Variants in VCPKMT observed in about 807,000 individuals in gnomAD.
The protein encoded by VCPKMT is protein N-lysine methyltransferase METTL21D.
In VCPKMT, 32 loss-of-function variants were observed where a neutral mutation model predicts 28.6. The ratio of observed to expected loss-of-function variants is 1.12; its 90% CI spans 0.84 to 1.50. The LOEUF (loss-of-function observed/expected upper bound fraction) is 1.50. Ranked by LOEUF, VCPKMT falls within the 40% of genes most tolerant of loss-of-function variation. The probability of loss-of-function intolerance (pLI) is 0.00; values close to 1 mark genes in which losing one functional copy is unlikely to be tolerated. For missense variants in VCPKMT, 366 were observed against 285.0 expected (o/e 1.28, Z -2.05); for synonymous variants, 138 against 111.4 (o/e 1.24, Z -1.50).
At chr14:50,110,650 G>T (rs1009763623) in intron 5 of VCPKMT, among the ~76,000 whole-genome samples, 1 of 152,186 alleles carries the variant, frequency 6.6e-6, no homozygotes, top group African/African-American at 2.4e-5. Context: ...TCTTCAAAAA[G>T]TTAAACAGAG....
chr14:50,112,748 A>G, intron 4 of VCPKMT, 29 bp from the exon 5 acceptor site: 2 of 1,442,446 alleles, frequency 1.4e-6, no homozygotes, highest in Non-Finnish European at 1.9e-6. Flanking sequence ...CATACTTCAA[A>G]TTCAATAATA....
intron 4 of VCPKMT, chr14:50,113,349 A>C (rs1196355243): frequency 6.6e-6 from 1 of 152,210 alleles, no homozygotes; most frequent in African/African-American, 2.4e-5. Flanking sequence ...GAAAATAAAC[A>C]AACATTTTAG....
rs1233125206 is a variant in VCPKMT at position 50,109,829 on chromosome 14, A to G, written c.676-116T>C. ...TAGTATGCCTAGTATAACAGTGGCT[A>G]CATGCAATTCAAGTGAACAACCATG... On this transcript the variant is annotated intron_variant, in intron 5 of 5. Transcript: ENST00000395860. The G allele has an allele frequency of 2.0e-5, 24 of 1,218,640 alleles. No homozygotes were observed. The South Asian group carries it at 3.0e-4, about 15-fold the overall frequency. The allele number at this position is 1,218,640 out of a possible 1,614,324, so 75.5% of individuals were successfully genotyped here. A position where few individuals can be genotyped will look rare whatever the true frequency, so the allele number is the denominator to read the frequency against.
intron 4 of VCPKMT, 59 bp downstream of exon 4, chr14:50,114,226 C>G (rs1882932600): frequency 7.2e-7 from 1 of 1,393,996 alleles, no homozygotes; most frequent in African/African-American, 1.5e-5. Flanking sequence ...CTTGAAGAGT[C>G]ACATACAGCC....
At chr14:50,107,486 G>A (rs1310773648), downstream of VCPKMT, among the ~76,000 whole-genome samples, 28 of 152,026 alleles carry the variant, frequency 1.8e-4, no homozygotes, top group Admixed American at 1.8e-3. Flanking sequence ...GCTAATTTTT[G>A]TATTTTTAGT....
At chr14:50,108,233 A>C, downstream of VCPKMT, among the ~76,000 whole-genome samples, 1 of 151,968 alleles carries the variant, frequency 6.6e-6, no homozygotes, top group Non-Finnish European at 1.5e-5. Context: ...GGGCATAAAA[A>C]CTGGAGGGTG....
rs374621257 is a variant in VCPKMT at position 50,116,565 on chromosome 14, C to T, written c.-13G>A. ...GCGTATCCGCCATTGCGCCCGGCAA[C>T]AGAAAGCGGCGCGCGCAGGGACGTC... On this transcript the variant is annotated 5_prime_UTR_variant, in exon 1 of 6. Coordinates refer to ENST00000395860, the MANE Select transcript of VCPKMT (RefSeq NM_024558.3). 8.2e-6 allele frequency: 13 copies of T among 1,595,034 alleles called. No homozygotes were observed. Among genetic ancestry groups the T allele is most frequent in the South Asian group, 1.1e-5 (1 of 90,184 alleles).
In VCPKMT at chr14:50,109,631, T is replaced by G; in HGVS notation, c.*68A>C. On this transcript the variant is annotated 3_prime_UTR_variant, in exon 6 of 6. Coordinates refer to ENST00000395860, the MANE Select transcript of VCPKMT (RefSeq NM_024558.3). ...TGAACACAATCTTCCCATGCTGTAT[T>G]CACATGCTCTATTCACATCTTTAGT... 3.2e-6 allele frequency: 5 copies of G among 1,541,232 alleles called. No homozygotes were observed. The highest frequency in any genetic ancestry group is 4.4e-5 in the Admixed American group (2 of 45,062).
At chr14:50,106,927 C>T (rs1383992071), downstream of VCPKMT, among the ~76,000 whole-genome samples, 2 of 152,178 alleles carry the variant, frequency 1.3e-5, no homozygotes, top group African/African-American at 4.8e-5. Flanking sequence ...GCTATGTTGC[C>T]CAGCCTGGTC....
chr14:50,107,716 G>T (rs1001155354), downstream of VCPKMT, among the ~76,000 whole-genome samples: 1 of 152,174 alleles, frequency 6.6e-6, no homozygotes, highest in Non-Finnish European at 1.5e-5. Flanking sequence ...GGGAATAGCC[G>T]AACAGGAAGG....
chr14:50,106,477 C>G, downstream of VCPKMT: 13 of 862,430 alleles, frequency 1.5e-5, no homozygotes, highest in Non-Finnish European at 1.8e-5. Context: ...CCACGTCGTC[C>G]CCTCCTTCAT....
Position 50,115,894 on chromosome 14 carries a change from CCTT to C in VCPKMT, c.392_394del (p.Glu131del). On this transcript the variant is annotated inframe_deletion, in exon 3 of 6. Coordinates refer to ENST00000395860, the MANE Select transcript of VCPKMT (RefSeq NM_024558.3). ...TATGAAGTCGGGTGGAGAAGGAAAG[CCTT>C]CTATTTCTTCCCCCCTTAAAAATGC... The C allele has an allele frequency of 6.2e-7, 1 of 1,613,306 alleles. No individual in the cohort carries two copies. The highest frequency in any genetic ancestry group is 8.5e-7 in the Non-Finnish European group (1 of 1,179,380).
At chr14:50,109,781 T>C (rs931285218) in intron 5 of VCPKMT, 68 bp from the exon 6 acceptor site, 4 of 1,520,332 alleles carry the variant, frequency 2.6e-6, no homozygotes, top group African/African-American at 2.8e-5. Flanking sequence ...TATTTAATAA[T>C]GCCTAATATG....
In VCPKMT at chr14:50,108,942, C is replaced by A; in HGVS notation, c.*757G>T. On this transcript the variant is annotated 3_prime_UTR_variant, in exon 6 of 6. Transcript: ENST00000395860. Reference sequence around the variant, plus strand: ...ACATATACATAAAGTGCATGAGCCACGTAAGTGCATAAGCCTGAAACTGGT... The same window carrying A: ...ACATATACATAAAGTGCATGAGCCAAGTAAGTGCATAAGCCTGAAACTGGT... 1.0e-6 allele frequency: 1 copy of A among 985,408 alleles called. No homozygotes were observed. The highest frequency in any genetic ancestry group is 1.2e-6 in the Non-Finnish European group (1 of 829,926). The allele number at this position is 985,408 out of a possible 1,614,324, so 61.0% of individuals were successfully genotyped here. A position where few individuals can be genotyped will look rare whatever the true frequency, so the allele number is the denominator to read the frequency against.
Position 50,109,625 on chromosome 14 carries a change from C to G in VCPKMT, c.*74G>C. 1 of 1,523,900 alleles carries G rather than the reference C, an allele frequency of 6.6e-7. No individual in the cohort carries two copies. Among genetic ancestry groups the G allele is most frequent in the Non-Finnish European group, 8.8e-7 (1 of 1,140,780 alleles). The allele number at this position is 1,523,900 out of a possible 1,614,324, so 94.4% of individuals were successfully genotyped here. ...AATCTGTGAACACAATCTTCCCATG[C>G]TGTATTCACATGCTCTATTCACATC... On this transcript the variant is annotated 3_prime_UTR_variant, in exon 6 of 6. Transcript: ENST00000395860.
chr14:50,113,684 G>T (rs910882436), intron 4 of VCPKMT, among the ~76,000 whole-genome samples: 1 of 148,276 alleles, frequency 6.7e-6, no homozygotes, highest in African/African-American at 2.5e-5. Flanking sequence ...GAAAAACACA[G>T]AAGTAAAAAC....
At chr14:50,107,731 G>A (rs1018333869), downstream of VCPKMT, among the ~76,000 whole-genome samples, 5 of 152,188 alleles carry the variant, frequency 3.3e-5, no homozygotes, top group African/African-American at 4.8e-5. Context: ...GGAAGGGGGA[G>A]GAAGTCAAGC....
chr14:50,103,841 C>T (rs1193927395), downstream of VCPKMT, among the ~76,000 whole-genome samples: 1 of 152,192 alleles, frequency 6.6e-6, no homozygotes, highest in Non-Finnish European at 1.5e-5. Flanking sequence ...CCAGATTTCA[C>T]ACTGCAACAG....
downstream of VCPKMT, chr14:50,106,583 C>T: frequency 1.0e-6 from 1 of 985,492 alleles, no homozygotes. Flanking sequence ...GTTCCCACAT[C>T]ACTCCTCTAA....
Sources: allele counts gnomAD v4.1 joint callset (sites outside exome capture counted in the v4.1 genomes callset), GRCh38; gene constraint gnomAD v4.1.1; transcripts MANE v1.5; gene names NCBI Gene and HGNC (gene_info 2026-07-23, HGNC 2026-07-21).